The following SH3RF1 variants were observed in gnomAD, a reference collection of about 807,000 sequenced individuals.
SH3RF1 encodes E3 ubiquitin-protein ligase SH3RF1.
Under a neutral mutation model 74.0 loss-of-function variants are expected in SH3RF1, and 32 were observed. The ratio of observed to expected loss-of-function variants is 0.43; its 90% CI spans 0.33 to 0.58. SH3RF1 has a LOEUF of 0.58. Ranked by LOEUF, SH3RF1 falls within the 20% of genes least tolerant of loss-of-function variation. The pLI, the probability that SH3RF1 is intolerant of heterozygous loss-of-function variation, is 0.05. For synonymous variants in SH3RF1, 396 were observed against 439.6 expected (o/e 0.90, Z 1.24); for missense variants, 954 against 1,130.9 (o/e 0.84, Z 2.24).
intron 2 of SH3RF1, among the ~76,000 whole-genome samples, chr4:169,192,388 C>T (rs1180873178): frequency 1.3e-5 from 2 of 151,394 alleles, no homozygotes; most frequent in Non-Finnish European, 2.9e-5. Flanking sequence ...GAAAAAAATG[C>T]TGAACATCAC....
chr4:169,181,128 A>T (rs141448257), intron 2 of SH3RF1, among the ~76,000 whole-genome samples: 40 of 152,266 alleles, frequency 2.6e-4, no homozygotes, highest in Middle Eastern at 3.4e-3. Flanking sequence ...GCCGTGCTGA[A>T]AATAATAGCC....
intron 10 of SH3RF1, among the ~76,000 whole-genome samples, chr4:169,110,631 A>C (rs966260600): frequency 5.9e-5 from 9 of 152,104 alleles, no homozygotes; most frequent in African/African-American, 1.9e-4. Context: ...TGAATAAAAG[A>C]ACAATAGGAA....
chr4:169,185,321 A>G (rs1734584537), intron 2 of SH3RF1, among the ~76,000 whole-genome samples: 1 of 152,202 alleles, frequency 6.6e-6, no homozygotes, highest in African/African-American at 2.4e-5. Context: ...GCCTGCCGCT[A>G]CAAGCCTCAC....
intron 2 of SH3RF1, among the ~76,000 whole-genome samples, chr4:169,196,911 G>C (rs888086391): frequency 6.6e-6 from 1 of 152,060 alleles, no homozygotes; most frequent in African/African-American, 2.4e-5. Flanking sequence ...CTATTTTTAA[G>C]TCTGTTAATT....
At chr4:169,233,110 G>A (rs1003479103) in intron 2 of SH3RF1, among the ~76,000 whole-genome samples, 13 of 152,044 alleles carry the variant, frequency 8.6e-5, no homozygotes, top group Admixed American at 2.0e-4. Flanking sequence ...TCAGCCAGGC[G>A]TGGTGGCAGG....
intron 8 of SH3RF1, among the ~76,000 whole-genome samples, chr4:169,119,246 G>A (rs946223869): frequency 1.3e-5 from 2 of 150,432 alleles, no homozygotes; most frequent in African/African-American, 4.9e-5. Context: ...TGGGTCTACA[G>A]GCACGTGCCA....
At chr4:169,236,967 A>T (rs1730832456) in intron 2 of SH3RF1, among the ~76,000 whole-genome samples, 1 of 152,216 alleles carries the variant, frequency 6.6e-6, no homozygotes, top group Non-Finnish European at 1.5e-5. Context: ...AACTGACCCA[A>T]CTTTTGCTTC....
intron 11 of SH3RF1, 37 bp downstream of exon 11, chr4:169,106,810 A>AT: frequency 6.8e-7 from 1 of 1,475,148 alleles, no homozygotes; most frequent in Non-Finnish European, 9.1e-7. Flanking sequence ...CCTATTGTTC[A>AT]TTTTTTAGTT....
intron 2 of SH3RF1, among the ~76,000 whole-genome samples, chr4:169,206,461 C>G (rs894125610): frequency 2.6e-5 from 4 of 152,100 alleles, no homozygotes; most frequent in Admixed American, 6.5e-5. Flanking sequence ...TGGCTTGAAG[C>G]CAGGAGTTTG....
At chr4:169,219,814 T>C (rs1012263206) in intron 2 of SH3RF1, among the ~76,000 whole-genome samples, 3 of 152,230 alleles carry the variant, frequency 2.0e-5, no homozygotes, top group African/African-American at 7.2e-5. Flanking sequence ...CATTAATTAT[T>C]AGAAAATCAA....
chr4:169,267,515 T>C (rs1483742441), intron 2 of SH3RF1, among the ~76,000 whole-genome samples: 1 of 152,194 alleles, frequency 6.6e-6, no homozygotes, highest in East Asian at 1.9e-4. Context: ...TTTCACAACA[T>C]GTGGGCTCCA....
At chr4:169,241,950 T>C (rs1001285678) in intron 2 of SH3RF1, among the ~76,000 whole-genome samples, 2 of 152,234 alleles carry the variant, frequency 1.3e-5, no homozygotes, top group East Asian at 3.9e-4. Context: ...ATTTAAAATG[T>C]GAAATAAAAT....
Position 169,116,419 on chromosome 4 carries a change from T to C in SH3RF1, c.1989A>G (p.Pro663=), listed in dbSNP as rs1353776063. 6.2e-7 allele frequency: 1 copy of C among 1,614,094 alleles called. No homozygotes were observed. The highest frequency in any genetic ancestry group is 8.5e-7 in the Non-Finnish European group (1 of 1,180,006). Reference sequence around the variant, plus strand: ...CACTGGTGATGCTTGGGGAAGTCAGTGGAGCAGCTGCTGCACAGGCCAGAG... The same window carrying C: ...CACTGGTGATGCTTGGGGAAGTCAGCGGAGCAGCTGCTGCACAGGCCAGAG... The part of the protein sequence containing the change: ...SAPLACAAAA[P]LTSPSITSAS... The change falls in exon 10 of 12, where the codon CCA becomes CCG. Residue 663 remains proline (P), a synonymous_variant. Coordinates refer to ENST00000284637, the MANE Select transcript of SH3RF1 (RefSeq NM_020870.4).
At chr4:169,212,977 A>C (rs975562695) in intron 2 of SH3RF1, among the ~76,000 whole-genome samples, 3 of 152,238 alleles carry the variant, frequency 2.0e-5, no homozygotes, top group Non-Finnish European at 4.4e-5. Flanking sequence ...TTTGGCAGTT[A>C]TGAGTAAAGC....
At chr4:169,110,864 C>A (rs183595247) in intron 10 of SH3RF1, among the ~76,000 whole-genome samples, 2 of 152,242 alleles carry the variant, frequency 1.3e-5, no homozygotes, top group South Asian at 2.1e-4. Context: ...GCGAGACTTA[C>A]AAAGCACCTC....
chr4:169,105,859 C>T (rs1428086742), intron 11 of SH3RF1, among the ~76,000 whole-genome samples: 1 of 152,126 alleles, frequency 6.6e-6, no homozygotes, highest in African/African-American at 2.4e-5. Flanking sequence ...GCACTGAAGC[C>T]TGCGCAACAG....
intron 4 of SH3RF1, among the ~76,000 whole-genome samples, chr4:169,148,963 C>A (rs991744082): frequency 2.0e-5 from 3 of 152,070 alleles, no homozygotes; most frequent in Admixed American, 1.3e-4. Flanking sequence ...AAGAACTTGG[C>A]GATTCTTTAG....
At chr4:169,258,679 T>C (rs1371634497) in intron 2 of SH3RF1, among the ~76,000 whole-genome samples, 4 of 152,130 alleles carry the variant, frequency 2.6e-5, no homozygotes, top group South Asian at 2.1e-4. Flanking sequence ...ACTGAAATAA[T>C]AGAGATTAGT....
At chr4:169,172,711 G>T (rs1033351632) in intron 2 of SH3RF1, among the ~76,000 whole-genome samples, 12 of 152,160 alleles carry the variant, frequency 7.9e-5, no homozygotes, top group African/African-American at 2.9e-4. Context: ...CAGGGGTGAG[G>T]GTGTTGCCAG....
Sources: gnomAD v4.1 joint callset for allele counts (sites outside exome capture counted in the v4.1 genomes callset) on GRCh38, gnomAD v4.1.1 for gene constraint, MANE v1.5 for transcripts, NCBI Gene and HGNC (gene_info 2026-07-23, HGNC 2026-07-21) for gene names.